Variants in PARP8 observed in about 807,000 individuals in gnomAD.
PARP8 encodes the protein poly(ADP-ribose) polymerase family member 8.
A neutral mutation model predicts 124.1 loss-of-function variants in PARP8; 51 were observed. The observed-to-expected ratio is 0.41, with a 90% CI of 0.33 to 0.52. The LOEUF is 0.52. PARP8 is among the 20% of genes least tolerant of loss of function. The probability of loss-of-function intolerance (pLI) is 0.21; values close to 1 mark genes in which losing one functional copy is unlikely to be tolerated. For missense variants in PARP8, 860 were observed against 1,018.9 expected, an observed-to-expected ratio of 0.84 and a Z score of 2.12; for synonymous variants, 391 against 361.5, an observed-to-expected ratio of 1.08 and a Z score of -0.93.
At chr5:50,773,901 G>A (rs531514615) in intron 7 of PARP8, among the ~76,000 whole-genome samples, 5 of 151,184 alleles carry the variant, frequency 3.3e-5, no homozygotes, top group Non-Finnish European at 5.9e-5. Context: ...GATGTGGCAG[G>A]GTCATAGGAT....
At chr5:50,839,245 A>C (rs1747909810) in intron 25 of PARP8, among the ~76,000 whole-genome samples, 1 of 152,006 alleles carries the variant, frequency 6.6e-6, no homozygotes, top group Non-Finnish European at 1.5e-5. Context: ...TGGGAATATG[A>C]ATAATTCTTG....
At chr5:50,693,129 G>A (rs1752670251) in intron 2 of PARP8, among the ~76,000 whole-genome samples, 1 of 152,138 alleles carries the variant, frequency 6.6e-6, no homozygotes, top group Non-Finnish European at 1.5e-5. Flanking sequence ...ACTGAAAGGT[G>A]TATTTTAAAT....
At chr5:50,821,440 C>G (rs1745758995) in intron 16 of PARP8, 102 bp downstream of exon 16, 2 of 1,304,282 alleles carry the variant, frequency 1.5e-6, no homozygotes, top group Non-Finnish European at 1.1e-6. Flanking sequence ...ATCTAAATCT[C>G]TATCTCATCA....
At chr5:50,677,426 T>C (rs1750761090) in intron 2 of PARP8, among the ~76,000 whole-genome samples, 1 of 152,208 alleles carries the variant, frequency 6.6e-6, no homozygotes, top group Non-Finnish European at 1.5e-5. Flanking sequence ...TTATTTTTAG[T>C]TAACTAAGAC....
chr5:50,833,559 C>G (rs1197533834), intron 23 of PARP8: 2 of 316,824 alleles, frequency 6.3e-6, no homozygotes, highest in South Asian at 2.8e-5. Context: ...TTTCTGTAAC[C>G]TCCGTGACCT....
intron 14 of PARP8, among the ~76,000 whole-genome samples, chr5:50,802,846 A>T (rs1743385582): frequency 6.6e-6 from 1 of 152,210 alleles, no homozygotes; most frequent in African/African-American, 2.4e-5. Flanking sequence ...TTTAAAATTT[A>T]AAAATATATA....
intron 2 of PARP8, among the ~76,000 whole-genome samples, chr5:50,674,787 G>C (rs1458805978): frequency 6.6e-6 from 1 of 152,168 alleles, no homozygotes; most frequent in African/African-American, 2.4e-5. Flanking sequence ...TCAAGATCAT[G>C]GTTTTTATCA....
intron 17 of PARP8, 54 bp from the exon 18 acceptor site, chr5:50,824,854 A>T: frequency 6.7e-7 from 1 of 1,495,076 alleles, no homozygotes; most frequent in Non-Finnish European, 9.3e-7. Flanking sequence ...CTTTTGTGAA[A>T]ACGGAAAAAT....
chr5:50,788,666 A>G, intron 10 of PARP8, 77 bp downstream of exon 10: 2 of 1,213,428 alleles, frequency 1.6e-6, no homozygotes, highest in Non-Finnish European at 2.3e-6. Flanking sequence ...AAAACAAACA[A>G]ACAAAAACCT....
chr5:50,706,071 G>T (rs1255041983), intron 2 of PARP8, among the ~76,000 whole-genome samples: 5 of 152,064 alleles, frequency 3.3e-5, no homozygotes, highest in East Asian at 1.9e-4. Context: ...TTCTAAATTG[G>T]TTCTATCAAA....
At chr5:50,729,345 A>T (rs1424073614) in intron 2 of PARP8, among the ~76,000 whole-genome samples, 1 of 152,080 alleles carries the variant, frequency 6.6e-6, no homozygotes, top group Non-Finnish European at 1.5e-5. Context: ...TATTTAATAC[A>T]TTGCATAATT....
intron 1 of PARP8, 31 bp from the exon 2 acceptor site, chr5:50,668,040 G>C: frequency 6.2e-7 from 1 of 1,611,964 alleles, no homozygotes; most frequent in Non-Finnish European, 8.5e-7. Context: ...TCCACTCCAG[G>C]GGTAGCTTTT....
rs1749518696 is a variant in PARP8 at position 50,667,816 on chromosome 5, G to A, written c.92-255G>A. 3 of 1,104,844 alleles carry A rather than the reference G, an allele frequency of 2.7e-6. No homozygotes were observed. In the South Asian group the frequency reaches 4.0e-5, roughly 15 times the overall value. The allele number at this position is 1,104,844 out of a possible 1,614,324, so 68.4% of individuals were successfully genotyped here. On this transcript the variant is annotated intron_variant, in intron 1 of 25. Coordinates refer to ENST00000281631, the MANE Select transcript of PARP8 (RefSeq NM_024615.4). ...GCGAGCCCGGCTGAGGCTGCTTCCG[G>A]CCTCCCCTATCGGGAAATTCCCGCT...
At chr5:50,835,262 G>T (rs1413522426) in intron 25 of PARP8, among the ~76,000 whole-genome samples, 1 of 152,206 alleles carries the variant, frequency 6.6e-6, no homozygotes, top group Non-Finnish European at 1.5e-5. Flanking sequence ...CACCATCTTA[G>T]TCAAGCCTGG....
chr5:50,737,761 C>CATCAAAGGTGGCA (rs1322172173), intron 2 of PARP8, among the ~76,000 whole-genome samples: 1 of 152,070 alleles, frequency 6.6e-6, no homozygotes, highest in East Asian at 1.9e-4. Context: ...TCATAACTGT[C>CATCAAAGGTGGCA]TTGTTAAATG....
chr5:50,666,872 G>A lies in PARP8; in HGVS notation c.-224G>A, dbSNP rs1749334156. ...CAGCAGCGGCGAGCAGCAGCTGGGC[G>A]GTCACATCTGGGAATGCAAAGCCGA... On this transcript the variant is annotated 5_prime_UTR_variant, in exon 1 of 26. Transcript: ENST00000281631. 5.0e-6 allele frequency: 7 copies of A among 1,389,342 alleles called. No homozygotes were observed. The Admixed American group carries it at 2.1e-4, about 43-fold the overall frequency. 86.1% of individuals were successfully genotyped at this position (1,389,342 alleles called of 1,614,324 possible).
chr5:50,718,665 G>A (rs1325504109), intron 2 of PARP8, among the ~76,000 whole-genome samples: 2 of 151,774 alleles, frequency 1.3e-5, no homozygotes, highest in Non-Finnish European at 2.9e-5. Flanking sequence ...CTATTTTATG[G>A]CTGAATAGTT....
Position 50,795,037 on chromosome 5 carries a change from G to A in PARP8, c.1048G>A (p.Ala350Thr), listed in dbSNP as rs1279241557. 8 of 1,614,058 alleles carry A rather than the reference G, an allele frequency of 5.0e-6. No homozygotes were observed. The highest frequency in any genetic ancestry group is 6.8e-6 in the Non-Finnish European group (8 of 1,180,042). The change falls in exon 12 of 26, where the codon GCG (alanine) becomes ACG (threonine). Residue 350 changes from alanine to threonine, a missense_variant. By Grantham distance (58) the Ala-to-Thr change is moderately conservative. Coordinates refer to ENST00000281631, the MANE Select transcript of PARP8 (RefSeq NM_024615.4). ...FGRSLSSDPR[A>T]EQAMTAIKSH... The stretch of plus-strand genomic sequence containing the variant: ...CCGCTCCTTGTCCAGCGATCCCAGG[G>A]CGGAGCAGGCTATGACAGCAATTAA...
At chr5:50,715,314 A>G (rs1346374067) in intron 2 of PARP8, among the ~76,000 whole-genome samples, 1 of 152,110 alleles carries the variant, frequency 6.6e-6, no homozygotes, top group African/African-American at 2.4e-5. Context: ...CACTCTGTCA[A>G]AATATGTGTG....
Sources: gnomAD v4.1 joint callset for allele counts (sites outside exome capture counted in the v4.1 genomes callset) on GRCh38, gnomAD v4.1.1 for gene constraint, MANE v1.5 for transcripts, NCBI Gene and HGNC (gene_info 2026-07-23, HGNC 2026-07-21) for gene names.